GABRB1: variants seen among roughly 807,000 people sequenced by gnomAD.
GABRB1 encodes the protein gamma-aminobutyric acid type A receptor subunit beta1, also known as gamma-aminobutyric acid receptor subunit beta-1.
Under a neutral mutation model 51.6 loss-of-function variants are expected in GABRB1, and 17 were observed. The observed-to-expected ratio is 0.33, with a 90% CI of 0.23 to 0.49. The LOEUF (loss-of-function observed/expected upper bound fraction) is 0.49. Among genes scored for constraint, GABRB1 ranks in the 20% least tolerant of loss-of-function variants. The pLI, the probability that GABRB1 is intolerant of heterozygous loss-of-function variation, is 0.99. For missense variants in GABRB1, 410 were observed against 600.6 expected, an observed-to-expected ratio of 0.68 and a Z score of 3.32; for synonymous variants, 247 against 218.9, an observed-to-expected ratio of 1.13 and a Z score of -1.14.
chr4:47,386,031 G>A (rs998929477), intron 5 of GABRB1, among the ~76,000 whole-genome samples: 2 of 152,324 alleles, frequency 1.3e-5, no homozygotes, highest in South Asian at 2.1e-4. Context: ...AGCCTGGAAG[G>A]TCTTTGAACA....
At chr4:47,203,465 TGC>T (rs1719974731) in intron 4 of GABRB1, among the ~76,000 whole-genome samples, 1 of 152,100 alleles carries the variant, frequency 6.6e-6, no homozygotes, top group African/African-American at 2.4e-5. Context: ...TTCACTTCTT[TGC>T]TGAATACCCG....
chr4:47,058,276 G>T (rs977796892), intron 3 of GABRB1, among the ~76,000 whole-genome samples: 2 of 152,150 alleles, frequency 1.3e-5, no homozygotes, highest in Non-Finnish European at 1.5e-5. Context: ...GTAGAAAGAG[G>T]CAGGTTCATT....
intron 3 of GABRB1, among the ~76,000 whole-genome samples, chr4:47,110,012 AT>A (rs2109624742): frequency 6.6e-6 from 1 of 152,240 alleles, no homozygotes; most frequent in East Asian, 1.9e-4. Context: ...GATATTAAGC[AT>A]TGAGTTTGGG....
At chr4:47,168,911 C>A (rs1484088973) in intron 4 of GABRB1, among the ~76,000 whole-genome samples, 1 of 152,008 alleles carries the variant, frequency 6.6e-6, no homozygotes, top group Non-Finnish European at 1.5e-5. Context: ...TAGCCATCTT[C>A]CCCCTGTGTC....
chr4:47,112,458 G>A (rs1021615831), intron 3 of GABRB1, among the ~76,000 whole-genome samples: 3 of 152,182 alleles, frequency 2.0e-5, no homozygotes, highest in Non-Finnish European at 4.4e-5. Context: ...GAATGGCTTT[G>A]GAGGGAATAA....
chr4:47,051,136 C>T (rs1037786633), intron 3 of GABRB1, among the ~76,000 whole-genome samples: 3 of 152,092 alleles, frequency 2.0e-5, no homozygotes, highest in Non-Finnish European at 4.4e-5. Context: ...CTTCTAACTC[C>T]CTGAGACTGG....
At chr4:47,197,685 A>ATT in intron 4 of GABRB1, among the ~76,000 whole-genome samples, 1 of 152,236 alleles carries the variant, frequency 6.6e-6, no homozygotes, top group East Asian at 1.9e-4. Context: ...GTCATATCCT[A>ATT]TTTACTTCAT....
At chr4:47,315,029 C>G (rs1203084469) in intron 4 of GABRB1, among the ~76,000 whole-genome samples, 2 of 151,630 alleles carry the variant, frequency 1.3e-5, no homozygotes, top group African/African-American at 2.4e-5. Flanking sequence ...ACAAATGGGA[C>G]CTAATTAAAC....
intron 7 of GABRB1, 75 bp from the exon 8 acceptor site, chr4:47,406,607 C>T: frequency 6.3e-7 from 1 of 1,575,138 alleles, no homozygotes; most frequent in Non-Finnish European, 8.7e-7. Flanking sequence ...TGGCAAATGG[C>T]ATCTGTCCTC....
intron 4 of GABRB1, among the ~76,000 whole-genome samples, chr4:47,190,927 G>C (rs113322443): frequency 1.4e-4 from 21 of 152,242 alleles, no homozygotes; most frequent in African/African-American, 4.8e-4. Context: ...GCAACTGCTG[G>C]AGCCAGATCT....
chr4:47,225,268 A>G (rs1720906983), intron 4 of GABRB1, among the ~76,000 whole-genome samples: 1 of 152,158 alleles, frequency 6.6e-6, no homozygotes, highest in Admixed American at 6.6e-5. Context: ...TCAGGAGTCC[A>G]TGCCGCGGAA....
chr4:47,126,648 G>A (rs1437139964), intron 3 of GABRB1, among the ~76,000 whole-genome samples: 1 of 152,008 alleles, frequency 6.6e-6, no homozygotes, highest in African/African-American at 2.4e-5. Flanking sequence ...CATTGACTAT[G>A]ATGTCGATAT....
chr4:47,069,590 C>T (rs1727226432), intron 3 of GABRB1, among the ~76,000 whole-genome samples: 1 of 152,152 alleles, frequency 6.6e-6, no homozygotes, highest in Non-Finnish European at 1.5e-5. Flanking sequence ...GAACCACACT[C>T]TCTCCAGCCA....
At chr4:47,007,317 A>G (rs542361642) in intron 1 of GABRB1, among the ~76,000 whole-genome samples, 1 of 152,334 alleles carries the variant, frequency 6.6e-6, no homozygotes, top group South Asian at 2.1e-4. Context: ...TAAACCTGTC[A>G]GAATGATCTA....
intron 3 of GABRB1, among the ~76,000 whole-genome samples, chr4:47,100,878 C>T (rs1714689636): frequency 6.6e-6 from 1 of 151,826 alleles, no homozygotes; most frequent in Non-Finnish European, 1.5e-5. Flanking sequence ...TGCAAATATC[C>T]TGCAAGAGAA....
chr4:47,409,516 T>C (rs909033724), intron 8 of GABRB1, among the ~76,000 whole-genome samples: 1 of 152,230 alleles, frequency 6.6e-6, no homozygotes, highest in Admixed American at 6.5e-5. Flanking sequence ...TTCTCTATTA[T>C]GCCACTCTTC....
At chr4:47,326,922 C>T (rs1725283498) in intron 5 of GABRB1, among the ~76,000 whole-genome samples, 1 of 152,150 alleles carries the variant, frequency 6.6e-6, no homozygotes, top group African/African-American at 2.4e-5. Context: ...AGATTATAAA[C>T]TTCCTGTGAG....
At chr4:47,091,761 T>C (rs145830566) in intron 3 of GABRB1, among the ~76,000 whole-genome samples, 158 of 152,318 alleles carry the variant, frequency 1.0e-3, no homozygotes, top group African/African-American at 3.7e-3. Context: ...CTGAATTCTT[T>C]CTAGGCATTT....
intron 1 of GABRB1, among the ~76,000 whole-genome samples, chr4:47,000,235 A>G (rs1470028852): frequency 1.3e-5 from 2 of 152,240 alleles, no homozygotes; most frequent in African/African-American, 4.8e-5. Flanking sequence ...AGCCATATGA[A>G]CAAATTTGCA....
Sources: gnomAD v4.1 joint callset for allele counts (sites outside exome capture counted in the v4.1 genomes callset) on GRCh38, gnomAD v4.1.1 for gene constraint, MANE v1.5 for transcripts, NCBI Gene and HGNC (gene_info 2026-07-23, HGNC 2026-07-21) for gene names.